ADK: variants seen among roughly 807,000 people sequenced by gnomAD.
ADK encodes the protein adenosine kinase.
A neutral mutation model predicts 44.7 loss-of-function variants in ADK; 24 were observed. The ratio of observed to expected loss-of-function variants is 0.54; its 90% confidence interval spans 0.39 to 0.76. The LOEUF (loss-of-function observed/expected upper bound fraction) is 0.76. Among genes scored for constraint, ADK ranks in the 30% least tolerant of loss-of-function variants. The pLI is 0.00. For synonymous variants in ADK, 128 were observed against 142.6 expected, an observed-to-expected ratio of 0.90 and a Z score of 0.73; for missense variants, 321 against 425.1, an observed-to-expected ratio of 0.76 and a Z score of 2.15.
chr10:74,282,150 C>G (rs1181259197), intron 3 of ADK, among the ~76,000 whole-genome samples: 2 of 152,286 alleles, frequency 1.3e-5, no homozygotes, highest in East Asian at 3.9e-4. Flanking sequence ...GTGGGTTATC[C>G]TTAAAAGCAA....
intron 4 of ADK, among the ~76,000 whole-genome samples, chr10:74,365,202 C>T (rs865789948): frequency 8.8e-6 from 1 of 114,108 alleles, no homozygotes; most frequent in African/African-American, 3.0e-5. Flanking sequence ...TGCACAACCA[C>T]AACCATAATT....
chr10:74,587,504 A>T (rs928693563), intron 7 of ADK, among the ~76,000 whole-genome samples: 3 of 152,192 alleles, frequency 2.0e-5, no homozygotes, highest in Admixed American at 2.0e-4. Flanking sequence ...TGTTATTAGT[A>T]CATTGGACCA....
chr10:74,382,488 T>C (rs1843002717), intron 4 of ADK, among the ~76,000 whole-genome samples: 1 of 152,212 alleles, frequency 6.6e-6, no homozygotes, highest in Admixed American at 6.5e-5. Context: ...CCTATTCTTT[T>C]GTTCTGATGA....
chr10:74,325,406 G>T (rs1349193011), intron 4 of ADK, among the ~76,000 whole-genome samples: 1 of 152,120 alleles, frequency 6.6e-6, no homozygotes, highest in African/African-American at 2.4e-5. Flanking sequence ...GGTTTTCTGT[G>T]TATGAGATCT....
At chr10:74,403,874 T>C (rs1843807380) in intron 6 of ADK, among the ~76,000 whole-genome samples, 1 of 152,054 alleles carries the variant, frequency 6.6e-6, no homozygotes, top group Non-Finnish European at 1.5e-5. Flanking sequence ...TTTTTTGTTT[T>C]GTTTTGTTTT....
chr10:74,171,767 C>G (rs962956642), intron 1 of ADK, among the ~76,000 whole-genome samples: 1 of 151,444 alleles, frequency 6.6e-6, no homozygotes, highest in Non-Finnish European at 1.5e-5. Context: ...ACTCAGTACT[C>G]TCTCTCTCAG....
chr10:74,328,693 C>T (rs986604209), intron 4 of ADK, among the ~76,000 whole-genome samples: 1 of 152,104 alleles, frequency 6.6e-6, no homozygotes, highest in Non-Finnish European at 1.5e-5. Flanking sequence ...TTTCTCCTGC[C>T]ACCATGTGAA....
chr10:74,627,086 G>GA (rs1853230742), intron 9 of ADK, among the ~76,000 whole-genome samples: 1 of 152,046 alleles, frequency 6.6e-6, no homozygotes, highest in South Asian at 2.1e-4. Context: ...ACTATTCAGG[G>GA]ATCTGTTAAA....
At chr10:74,357,769 C>A (rs1171312332) in intron 4 of ADK, among the ~76,000 whole-genome samples, 1 of 152,114 alleles carries the variant, frequency 6.6e-6, no homozygotes, top group Non-Finnish European at 1.5e-5. Context: ...TTTTGTATCA[C>A]ATTTGCATGC....
intron 9 of ADK, among the ~76,000 whole-genome samples, chr10:74,660,546 T>C (rs969419275): frequency 6.6e-6 from 1 of 150,776 alleles, no homozygotes; most frequent in Non-Finnish European, 1.5e-5. Context: ...GAGACCAGCC[T>C]GGGCAACATG....
At chr10:74,507,400 C>G (rs1035872421) in intron 6 of ADK, among the ~76,000 whole-genome samples, 4 of 151,914 alleles carry the variant, frequency 2.6e-5, no homozygotes, top group Non-Finnish European at 4.4e-5. Flanking sequence ...ATCGCTTGAG[C>G]CCAGGAGTTT....
rs929932470 is a variant in ADK at position 74,521,873 on chromosome 10, A to C, written c.556-3383A>C. Among the ~76,000 whole-genome samples, 22 of 152,210 alleles carry C rather than the reference A, an allele frequency of 1.4e-4. 1 individual carries two copies. The highest frequency in any genetic ancestry group is 6.5e-5 in the Admixed American group (1 of 15,282). Reference sequence around the variant, plus strand: ...AGACTAAGATTTGTTGCCTCTTAGAACACTTGAATATTGGTAAAGAATTAA... The same window carrying C: ...AGACTAAGATTTGTTGCCTCTTAGACCACTTGAATATTGGTAAAGAATTAA... On this transcript the variant is annotated intron_variant, in intron 6 of 10. Transcript: ENST00000539909.
intron 7 of ADK, among the ~76,000 whole-genome samples, chr10:74,575,236 A>G (rs1851143624): frequency 6.6e-6 from 1 of 152,192 alleles, no homozygotes; most frequent in African/African-American, 2.4e-5. Context: ...TTTGCAGAGT[A>G]GTATGTTAGA....
chr10:74,207,422 C>T (rs1334962735), intron 2 of ADK, among the ~76,000 whole-genome samples: 2 of 152,154 alleles, frequency 1.3e-5, no homozygotes, highest in Non-Finnish European at 2.9e-5. Context: ...GGTGGGTCTT[C>T]TTATCCTGCA....
chr10:74,288,137 T>TA (rs1159324986), intron 3 of ADK, among the ~76,000 whole-genome samples: 1 of 152,130 alleles, frequency 6.6e-6, no homozygotes, highest in Non-Finnish European at 1.5e-5. Flanking sequence ...GTGTAAAGCA[T>TA]ATTTGTAAAT....
intron 6 of ADK, among the ~76,000 whole-genome samples, chr10:74,457,705 A>C (rs1479488362): frequency 6.6e-6 from 1 of 152,228 alleles, no homozygotes; most frequent in East Asian, 1.9e-4. Context: ...GGATGAGTTC[A>C]TGTCCTTTGC....
At chr10:74,696,569 A>T (rs1856215314) in intron 10 of ADK, among the ~76,000 whole-genome samples, 1 of 149,456 alleles carries the variant, frequency 6.7e-6, no homozygotes, top group African/African-American at 2.5e-5. Flanking sequence ...ACAGGTTTTC[A>T]CCATGTTAGC....
At chr10:74,580,197 G>A (rs1851327135) in intron 7 of ADK, among the ~76,000 whole-genome samples, 2 of 152,270 alleles carry the variant, frequency 1.3e-5, no homozygotes, top group South Asian at 4.1e-4. Context: ...GACCCAGTGG[G>A]AGGTAATTGA....
chr10:74,256,093 C>G (rs920567200), intron 3 of ADK, among the ~76,000 whole-genome samples: 1 of 152,152 alleles, frequency 6.6e-6, no homozygotes, highest in Non-Finnish European at 1.5e-5. Context: ...GAAGAGGAAG[C>G]TTTCAAGTGG....
Sources: allele counts gnomAD v4.1 joint callset (sites outside exome capture counted in the v4.1 genomes callset), GRCh38; gene constraint gnomAD v4.1.1; transcripts MANE v1.5; gene names NCBI Gene and HGNC (gene_info 2026-07-23, HGNC 2026-07-21).